The following LARGE1 variants were observed in gnomAD, a reference collection of about 807,000 sequenced individuals.
LARGE1 encodes the protein xylosyl- and glucuronyltransferase LARGE1.
Under a neutral mutation model 87.6 loss-of-function variants are expected in LARGE1, and 43 were observed. That is an observed-to-expected ratio of 0.49 (90% CI 0.38 to 0.63). LARGE1 has a LOEUF of 0.63. LARGE1 is among the 30% of genes least tolerant of loss of function. LARGE1 has a pLI of 0.00. For missense variants in LARGE1, 802 were observed against 1,000.2 expected, an observed-to-expected ratio of 0.80 and a Z score of 2.67; for synonymous variants, 434 against 394.6, an observed-to-expected ratio of 1.10 and a Z score of -1.18.
chr22:33,110,626 A>C, the LARGE1 span: 4 of 152,348 alleles, frequency 2.6e-5, no homozygotes, highest in African/African-American at 9.6e-5. Context: ...AGATGTCCTT[A>C]TTGTTCCAAC....
chr22:33,564,952 G>C lies in LARGE1; in HGVS notation c.683C>G (p.Thr228Ser). Residue 228 changes from threonine (T) to serine (S), a missense_variant, in exon 6 of 15, where the codon ACC (threonine) becomes AGC (serine). This residue lies in a region of LARGE1 where 625 missense variants were observed against 841.9 expected (regional missense o/e 0.74). Transcript: ENST00000397394. ...CTCCAGGTTGGCAGGAAGAGTCTTG[G>C]TCAGGACAAGCTTCATCAGACCATA... ...GIYGLMKLVL[T>S]KTLPANLERV... 6.2e-7 allele frequency: 1 copy of C among 1,614,142 alleles called. No homozygotes were observed. The highest frequency in any genetic ancestry group is 1.1e-5 in the South Asian group (1 of 91,088).
chr22:33,160,248 T>G (rs189889403), downstream of LARGE1, among the ~76,000 whole-genome samples: 211 of 152,298 alleles, frequency 1.4e-3, 2 homozygotes, highest in Non-Finnish European at 4.0e-4. Context: ...TGAATTACAT[T>G]TTTTGTTTGG....
intron 7 of LARGE1, among the ~76,000 whole-genome samples, chr22:33,390,056 G>T (rs2065462580): frequency 6.6e-6 from 1 of 152,052 alleles, no homozygotes; most frequent in South Asian, 2.1e-4. Context: ...TCTTTCATCA[G>T]ACCACTTCAT....
At chr22:33,751,158 C>G (rs957305050) in intron 2 of LARGE1, among the ~76,000 whole-genome samples, 2 of 152,120 alleles carry the variant, frequency 1.3e-5, no homozygotes, top group Admixed American at 1.3e-4. Flanking sequence ...ATAAAGTGAG[C>G]CCAGCTATAT....
rs567790962 is a variant in LARGE1, at chr22:33,300,762, G to A, written c.1730+3467C>T. ...TCACCATGTTGGCCAGGATGGTCTC[G>A]ATCTTCTGACCTCGTGATTCACCGG... On this transcript the variant is annotated intron_variant, in intron 12 of 14. Coordinates refer to ENST00000397394, the MANE Select transcript of LARGE1 (RefSeq NM_133642.5). Among the ~76,000 whole-genome samples the A allele has an allele frequency of 5.9e-5, 9 of 152,202 alleles. No homozygotes were observed. In the South Asian group the frequency reaches 1.7e-3, roughly 28 times the overall value.
At chr22:33,613,041 T>C (rs2079485459) in intron 4 of LARGE1, among the ~76,000 whole-genome samples, 1 of 152,202 alleles carries the variant, frequency 6.6e-6, no homozygotes. Context: ...TCAAAGGGAA[T>C]AGTGGGTTTC....
At chr22:33,409,019 A>G (rs2066210044) in intron 7 of LARGE1, among the ~76,000 whole-genome samples, 1 of 152,170 alleles carries the variant, frequency 6.6e-6, no homozygotes, top group African/African-American at 2.4e-5. Context: ...ATGTTGGCTC[A>G]ATAAGCAAAG....
intron 7 of LARGE1, among the ~76,000 whole-genome samples, chr22:33,404,880 TG>T (rs113829685): frequency 3.3e-5 from 5 of 151,862 alleles, no homozygotes; most frequent in Non-Finnish European, 5.9e-5. Flanking sequence ...TTCTGTTCAG[TG>T]GGGGGGAAGG....
At chr22:33,291,248 A>G (rs1185239174) in intron 12 of LARGE1, among the ~76,000 whole-genome samples, 1 of 152,170 alleles carries the variant, frequency 6.6e-6, no homozygotes. Context: ...ACTCCTTCAC[A>G]GTGAGTGAAG....
chr22:33,732,814 A>G (rs941912171), intron 2 of LARGE1: 1 of 152,250 alleles, frequency 6.6e-6, no homozygotes, highest in Non-Finnish European at 1.5e-5. Context: ...CTCCTGTGGC[A>G]GCCGTTCACC....
In LARGE1 at chr22:33,421,285, C is replaced by G. The variant is rs187768651; in HGVS notation, c.892+10876G>C. ...ATACTAATATCTAACATTTATTGAC[C>G]CAGACACTGTCCCATGCACTTTGAA... On this transcript the variant is annotated intron_variant, in intron 7 of 14. Transcript: ENST00000397394. 4.6e-4 allele frequency among the ~76,000 whole-genome samples: 70 copies of G among 152,018 alleles called. 1 individual carries two copies. The highest frequency in any genetic ancestry group is 1.5e-3 in the African/African-American group (64 of 41,460).
At chr22:33,550,080 GC>G (rs2077478517) in intron 6 of LARGE1, among the ~76,000 whole-genome samples, 1 of 150,714 alleles carries the variant, frequency 6.6e-6, no homozygotes. Context: ...AACCAACACA[GC>G]ACATGTATAC....
chr22:33,546,628 AGGCG>A (rs2077367555), intron 6 of LARGE1, among the ~76,000 whole-genome samples: 1 of 152,114 alleles, frequency 6.6e-6, no homozygotes, highest in Non-Finnish European at 1.5e-5. Flanking sequence ...TCTGTCACCC[AGGCG>A]GGAGTGCAAT....
chr22:33,370,738 T>G (rs1024251126), intron 9 of LARGE1, among the ~76,000 whole-genome samples: 1 of 151,200 alleles, frequency 6.6e-6, no homozygotes, highest in East Asian at 1.9e-4. Context: ...ATAGGTGTTA[T>G]AATAATACAT....
At chr22:33,708,485 G>A (rs1260934832) in intron 2 of LARGE1, among the ~76,000 whole-genome samples, 2 of 152,126 alleles carry the variant, frequency 1.3e-5, no homozygotes, top group Non-Finnish European at 2.9e-5. Context: ...CTCATACTAT[G>A]TTGCTAGGGC....
intron 2 of LARGE1, among the ~76,000 whole-genome samples, chr22:33,757,887 A>T (rs1445439670): frequency 3.3e-5 from 5 of 152,182 alleles, no homozygotes; most frequent in African/African-American, 1.2e-4. Flanking sequence ...AGGGAGCTTC[A>T]TGGAGGCATT....
chr22:33,250,990 T>A (rs1258607412), intron 11 of LARGE1, among the ~76,000 whole-genome samples: 1 of 152,202 alleles, frequency 6.6e-6, no homozygotes, highest in African/African-American at 2.4e-5. Context: ...GGTTTTGGTA[T>A]TAGGGTCATG....
intron 1 of LARGE1, among the ~76,000 whole-genome samples, chr22:33,799,943 T>C (rs1267833163): frequency 6.6e-6 from 1 of 152,212 alleles, no homozygotes; most frequent in Non-Finnish European, 1.5e-5. Flanking sequence ...CACATGTGCA[T>C]GTGGTGGGCT....
At chr22:33,636,151 A>T (rs1054432509) in intron 3 of LARGE1, among the ~76,000 whole-genome samples, 5 of 152,210 alleles carry the variant, frequency 3.3e-5, no homozygotes, top group Non-Finnish European at 5.9e-5. Flanking sequence ...AGAAACCCAA[A>T]TTTTACACAG....
Sources: allele counts gnomAD v4.1 joint callset (sites outside exome capture counted in the v4.1 genomes callset), GRCh38; gene constraint gnomAD v4.1.1; regional missense constraint gnomAD v4.1.1; transcripts MANE v1.5; gene names NCBI Gene and HGNC (gene_info 2026-07-23, HGNC 2026-07-21).